The following TEX47 variants were observed in gnomAD, a reference collection of about 807,000 sequenced individuals.
The protein encoded by TEX47 is testis-expressed protein 47.
A neutral mutation model predicts 18.0 loss-of-function variants in TEX47; 18 were observed. The ratio of observed to expected loss-of-function variants is 1.00; its 90% CI spans 0.69 to 1.48. The LOEUF is 1.48. Among genes scored for constraint, TEX47 ranks in the 40% most tolerant of loss-of-function variants. TEX47 has a pLI of 0.00. For synonymous variants in TEX47, 98 were observed against 109.4 expected, an observed-to-expected ratio of 0.90 and a Z score of 0.65; for missense variants, 303 against 300.2, an observed-to-expected ratio of 1.01 and a Z score of -0.07.
At chr7:88,795,368 G>A (rs1305599717) in intron 1 of TEX47, among the ~76,000 whole-genome samples, 1 of 151,684 alleles carries the variant, frequency 6.6e-6, no homozygotes, top group African/African-American at 2.4e-5. Context: ...AAAAATCCAA[G>A]GCTTTTTAAG....
Position 88,794,414 on chromosome 7 carries a change from G to C in TEX47, c.529C>G (p.Gln177Glu), listed in dbSNP as rs780941076. The C allele has an allele frequency of 1.2e-6, 2 of 1,613,692 alleles. No homozygotes were observed. Among genetic ancestry groups the C allele is most frequent in the East Asian group, 2.2e-5 (1 of 44,856 alleles). ...LKEVITDFLT[Q>E]THKLSLYLCQ... ...AGGTAGAGTGACAGTTTATGAGTTT[G>C]TGTGAGAAAATCTGTGATGACCTCC... Residue 177 changes from glutamine to glutamate, a missense_variant, in exon 2 of 2, where the codon CAA becomes GAA. Coordinates refer to ENST00000297203, the MANE Select transcript of TEX47 (RefSeq NM_152706.4).
rs1229506545 is a variant in TEX47, at chr7:88,794,144, C to T, written c.*37G>A. The T allele has an allele frequency of 1.3e-6, 2 of 1,514,686 alleles. No individual in the cohort carries two copies. Among genetic ancestry groups the T allele is most frequent in the Non-Finnish European group, 1.8e-6 (2 of 1,128,826 alleles). 93.8% of individuals were successfully genotyped at this position (1,514,686 alleles called of 1,614,324 possible). On this transcript the variant is annotated 3_prime_UTR_variant, in exon 2 of 2. Transcript: ENST00000297203. ...GTTTTTTTTATTTAAGTAGCACAAACTCCTTAAGAGACATGGGCACATTAT... is the reference window on the plus strand; with the variant it reads ...GTTTTTTTTATTTAAGTAGCACAAATTCCTTAAGAGACATGGGCACATTAT...
Position 88,794,989 on chromosome 7 carries a change from C to A in TEX47, c.-47G>T. ...CAGATGATTCCAGCTTTTAGCTTAT[C>A]ATAATATTTATGCTGCCAGGGTACC... On this transcript the variant is annotated 5_prime_UTR_variant, in exon 2 of 2. An upstream start codon of the reference 5' UTR is lost. Coordinates refer to ENST00000297203, the MANE Select transcript of TEX47 (RefSeq NM_152706.4). The A allele has an allele frequency of 6.7e-7, 1 of 1,483,362 alleles. No individual in the cohort carries two copies. The highest frequency in any genetic ancestry group is 1.4e-5 in the South Asian group (1 of 69,138). 91.9% of individuals were successfully genotyped at this position (1,483,362 alleles called of 1,614,324 possible).
At position 88,795,296 on chromosome 7, in the gene TEX47, G is replaced by T. The variant is rs528175428; in HGVS notation, c.-104-250C>A. The stretch of plus-strand genomic sequence containing the variant: ...TTTATAAGCCAAATTTTTTAAAAAT[G>T]GTATTTTATGGTAATTCTTCCAGTT... On this transcript the variant is annotated intron_variant, in intron 1 of 1. Transcript: ENST00000297203. 2.8e-3 allele frequency among the ~76,000 whole-genome samples: 431 copies of T among 151,966 alleles called. 3 individuals carry two copies. The highest frequency in any genetic ancestry group is 0.017 in the Middle Eastern group (5 of 288).
intron 1 of TEX47, among the ~76,000 whole-genome samples, 199 bp downstream of exon 1, chr7:88,795,441 T>C (rs1342589350): frequency 6.6e-6 from 1 of 152,174 alleles, no homozygotes; most frequent in East Asian, 1.9e-4. Flanking sequence ...CCTTGAATAA[T>C]AACAGTAAAC....
chr7:88,794,116 A>C lies in TEX47; in HGVS notation c.*65T>G. On this transcript the variant is annotated 3_prime_UTR_variant, in exon 2 of 2. Coordinates refer to ENST00000297203, the MANE Select transcript of TEX47 (RefSeq NM_152706.4). ...TTTAAAAGACACCAGTAACTTTAAAAATGTTTTTTTTATTTAAGTAGCACA... is the reference window on the plus strand; with the variant it reads ...TTTAAAAGACACCAGTAACTTTAAACATGTTTTTTTTATTTAAGTAGCACA... 7 of 1,358,472 alleles carry C rather than the reference A, an allele frequency of 5.2e-6. No individual in the cohort carries two copies. Among genetic ancestry groups the C allele is most frequent in the Non-Finnish European group, 6.9e-6 (7 of 1,007,506 alleles). 84.2% of individuals were successfully genotyped at this position (1,358,472 alleles called of 1,614,324 possible).
Position 88,794,267 on chromosome 7 carries a change from G to C in TEX47, c.676C>G (p.Pro226Ala). 1 of 1,613,650 alleles carries C rather than the reference G, an allele frequency of 6.2e-7. No individual in the cohort carries two copies. The highest frequency in any genetic ancestry group is 1.1e-5 in the South Asian group (1 of 91,072). The part of the protein sequence containing the change: ...YLCKSEEFMD[P>A]ATFINMYNRP... ...TTATACATGTTTATAAATGTTGCCGGGTCCATGAATTCTTCGGATTTGCAC... is the reference window on the plus strand; with the variant it reads ...TTATACATGTTTATAAATGTTGCCGCGTCCATGAATTCTTCGGATTTGCAC... The change falls in exon 2 of 2, where the codon CCG becomes GCG. Residue 226 changes from proline to alanine, a missense_variant. By Grantham distance (27) the Pro-to-Ala change is conservative. Transcript: ENST00000297203.
intron 1 of TEX47, among the ~76,000 whole-genome samples, 171 bp from the exon 2 acceptor site, chr7:88,795,217 A>G (rs376465018): frequency 6.6e-6 from 1 of 152,174 alleles, no homozygotes; most frequent in East Asian, 1.9e-4. Flanking sequence ...GAGTTAAATA[A>G]TATCCTAGGA....
In TEX47 at chr7:88,794,391, G is replaced by A. The variant is rs371691831; in HGVS notation, c.552C>T (p.Tyr184=). The change falls in exon 2 of 2, where the codon TAC becomes TAT. Residue 184 remains tyrosine, a synonymous_variant. Transcript: ENST00000297203. ...TGCCTACTTTCATAGTCTGGCAAAG[G>A]TAGAGTGACAGTTTATGAGTTTGTG... ...FLTQTHKLSL[Y]LCQTMKVGTK... 3 of 1,613,812 alleles carry A rather than the reference G, an allele frequency of 1.9e-6. No individual in the cohort carries two copies. The highest frequency in any genetic ancestry group is 2.5e-6 in the Non-Finnish European group (3 of 1,179,840).
In TEX47 at chr7:88,794,448, C is replaced by G. The variant is rs143068564; in HGVS notation, c.495G>C (p.Gln165His). The stretch of plus-strand genomic sequence containing the variant: ...AATCTGTGATGACCTCCTTTAGGGA[C>G]TGTGACTGTGTCACATCGTCGAGAT... Reference protein sequence around the residue: ...VMYLDDVTQSQSLKEVITDFL... With the variant: ...VMYLDDVTQSHSLKEVITDFL... Residue 165 changes from glutamine (Q) to histidine (H), a missense_variant, in exon 2 of 2, where the codon CAG (glutamine) becomes CAC (histidine). Transcript: ENST00000297203. 5 of 1,613,890 alleles carry G rather than the reference C, an allele frequency of 3.1e-6. No individual in the cohort carries two copies. Among genetic ancestry groups the G allele is most frequent in the Non-Finnish European group, 4.2e-6 (5 of 1,179,866 alleles).
At position 88,795,054 on chromosome 7, in the gene TEX47, A is replaced by C. The variant is rs1790458242; in HGVS notation, c.-104-8T>G. The stretch of plus-strand genomic sequence containing the variant: ...CTCGTGTTTTTATTTCTTCTGACAA[A>C]AAAAAAAAGAGTAAATCACGGTTTG... On this transcript the variant is annotated splice_polypyrimidine_tract_variant and splice_region_variant and intron_variant, in intron 1 of 1. Transcript: ENST00000297203. 8.0e-6 allele frequency: 6 copies of C among 752,824 alleles called. No homozygotes were observed. The South Asian group carries it at 1.2e-4, about 15-fold the overall frequency. The allele number at this position is 752,824 out of a possible 1,614,324, so 46.6% of individuals were successfully genotyped here.
rs745333051 is a variant in TEX47 at position 88,794,519 on chromosome 7, G to C, written c.424C>G (p.Leu142Val). The change falls in exon 2 of 2, where the codon CTT becomes GTT. Residue 142 changes from leucine to valine, a missense_variant. Transcript: ENST00000297203. ...IVISHNIPMR[L>V]FMQWHVSVIK... Reference sequence around the variant, plus strand: ...ACTGAAACATGCCATTGCATAAAAAGCCTCATTGGAATGTTATGAGAAATG... The same window carrying C: ...ACTGAAACATGCCATTGCATAAAAACCCTCATTGGAATGTTATGAGAAATG... The C allele has an allele frequency of 6.2e-7, 1 of 1,613,602 alleles. No homozygotes were observed. The highest frequency in any genetic ancestry group is 8.5e-7 in the Non-Finnish European group (1 of 1,179,686).
rs752967398 is a variant in TEX47 at position 88,794,237 on chromosome 7, G to A, written c.706C>T (p.Pro236Ser). ...PATFINMYNR[P>S]IHITLDSEVV... is the part of the protein sequence containing the mutation. The stretch of plus-strand genomic sequence containing the variant: ...TCAGAATCCAGAGTGATGTGTATGG[G>A]TCTATTATACATGTTTATAAATGTT... The change falls in exon 2 of 2, where the codon CCC (proline) becomes TCC (serine). Residue 236 changes from proline to serine, a missense_variant. Coordinates refer to ENST00000297203, the MANE Select transcript of TEX47 (RefSeq NM_152706.4). The A allele has an allele frequency of 2.6e-5, 42 of 1,613,308 alleles. No individual in the cohort carries two copies. The Admixed American group carries it at 2.7e-4, about 10-fold the overall frequency.
rs2373397 is a variant in TEX47, at chr7:88,794,282, C to T, written c.661G>A (p.Glu221Lys). Reference sequence around the variant, plus strand: ...AATGTTGCCGGGTCCATGAATTCTTCGGATTTGCACAAGTACTTTATGATT... The same window carrying T: ...AATGTTGCCGGGTCCATGAATTCTTTGGATTTGCACAAGTACTTTATGATT... ...EQIIKYLCKS[E>K]EFMDPATFIN... is the part of the protein sequence containing the mutation. The change falls in exon 2 of 2, where the codon GAA becomes AAA. Residue 221 changes from glutamate to lysine, a missense_variant. Physicochemically the swap from Glu to Lys is moderately conservative, Grantham distance 56 (BLOSUM62 1). Transcript: ENST00000297203. 4.8e-5 allele frequency: 78 copies of T among 1,613,784 alleles called. No homozygotes were observed. In the Middle Eastern group the frequency reaches 8.3e-4, roughly 17 times the overall value.
Position 88,795,017 on chromosome 7 carries a change from T to C in TEX47, c.-75A>G. 8.0e-7 allele frequency: 1 copy of C among 1,255,874 alleles called. No homozygotes were observed. The highest frequency in any genetic ancestry group is 1.9e-5 in the South Asian group (1 of 52,242). 77.8% of individuals were successfully genotyped at this position (1,255,874 alleles called of 1,614,324 possible). On this transcript the variant is annotated 5_prime_UTR_variant, in exon 2 of 2. Coordinates refer to ENST00000297203, the MANE Select transcript of TEX47 (RefSeq NM_152706.4). ...AATATTTATGCTGCCAGGGTACCTC[T>C]TTACTGATGAACTCGTGTTTTTATT...
chr7:88,795,496 C>T (rs549809184), intron 1 of TEX47, 144 bp downstream of exon 1: 2 of 152,098 alleles, frequency 1.3e-5, no homozygotes, highest in East Asian at 1.9e-4. Context: ...CTCCTATCGA[C>T]GAATCTCAGA....
Position 88,794,761 on chromosome 7 carries a change from T to C in TEX47, c.182A>G (p.Glu61Gly). 1 of 1,613,618 alleles carries C rather than the reference T, an allele frequency of 6.2e-7. No homozygotes were observed. The highest frequency in any genetic ancestry group is 1.1e-5 in the South Asian group (1 of 91,012). Residue 61 changes from glutamate (E) to glycine (G), a missense_variant, in exon 2 of 2, where the codon GAA becomes GGA. Physicochemically the swap from Glu to Gly is moderately conservative, Grantham distance 98 (BLOSUM62 -2). Coordinates refer to ENST00000297203, the MANE Select transcript of TEX47 (RefSeq NM_152706.4). ...FLVAKIQANV[E>G]RKDVADYYEQ... The stretch of plus-strand genomic sequence containing the variant: ...ATAGTAGTCAGCAACATCTTTTCTT[T>C]CTACATTTGCTTGTATCTTGGCCAC...
Position 88,794,521 on chromosome 7 carries a change from CT to C in TEX47, c.421del (p.Arg141GlyfsTer10), listed in dbSNP as rs1275644480. ...IIVISHNIPM[R>X]LFMQWHVSVI... Reference sequence around the variant, plus strand: ...TGAAACATGCCATTGCATAAAAAGCCTCATTGGAATGTTATGAGAAATGACT... The same window carrying C: ...TGAAACATGCCATTGCATAAAAAGCCCATTGGAATGTTATGAGAAATGACT... On this transcript the variant is annotated frameshift_variant, in exon 2 of 2. Coordinates refer to ENST00000297203, the MANE Select transcript of TEX47 (RefSeq NM_152706.4). LOFTEE classifies it high-confidence loss of function. The C allele has an allele frequency of 1.9e-6, 3 of 1,613,560 alleles. No homozygotes were observed. Among genetic ancestry groups the C allele is most frequent in the Non-Finnish European group, 2.5e-6 (3 of 1,179,784 alleles).
At position 88,794,785 on chromosome 7, in the gene TEX47, A is replaced by T. The variant is rs1790450532; in HGVS notation, c.158T>A (p.Val53Glu). 19 of 1,613,636 alleles carry T rather than the reference A, an allele frequency of 1.2e-5. No homozygotes were observed. Among genetic ancestry groups the T allele is most frequent in the Middle Eastern group, 1.6e-4 (1 of 6,074 alleles). ...KKFLLDRMFL[V>E]AKIQANVERK... ...TTCTACATTTGCTTGTATCTTGGCC[A>T]CTAGAAACATCCTATCAAGAAGGAA... The change falls in exon 2 of 2, where the codon GTG becomes GAG. Residue 53 changes from valine (V) to glutamate (E), a missense_variant. By Grantham distance (121) the Val-to-Glu change is moderately radical. Transcript: ENST00000297203.
Sources: allele counts gnomAD v4.1 joint callset (sites outside exome capture counted in the v4.1 genomes callset), GRCh38; gene constraint gnomAD v4.1.1; transcripts MANE v1.5; gene names NCBI Gene and HGNC (gene_info 2026-07-23, HGNC 2026-07-21).